The following MCTP2 variants were observed in gnomAD, a reference collection of about 807,000 sequenced individuals.
MCTP2 encodes the protein multiple C2 and transmembrane domain-containing protein 2.
Under a neutral mutation model 111.6 loss-of-function variants are expected in MCTP2, and 132 were observed. The observed-to-expected ratio is 1.18, with a 90% CI of 1.03 to 1.37. The LOEUF (loss-of-function observed/expected upper bound fraction) is 1.37, where lower values mean the gene tolerates loss of function less well. Ranked by LOEUF, MCTP2 falls within the 40% of genes most tolerant of loss-of-function variation. MCTP2 has a pLI of 0.00. For synonymous variants in MCTP2, 395 were observed against 387.7 expected (o/e 1.02, Z -0.22); for missense variants, 1,183 against 1,067.9 (o/e 1.11, Z -1.50).
Position 94,356,182 on chromosome 15 carries a change from A to G in MCTP2, c.1051A>G (p.Asn351Asp), listed in dbSNP as rs762149227. ...NLRLSESLKKNQLWNGIISIT... is the reference protein window; with the variant it reads ...NLRLSESLKKDQLWNGIISIT... ...ACGGCTCTCTGAGTCCTTGAAAAAG[A>G]ACCAACTCTGGAACGGGATTATAAG... Residue 351 changes from asparagine (N) to aspartate (D), a missense_variant, in exon 9 of 23, where the codon AAC (asparagine) becomes GAC (aspartate). By Grantham distance (23) the Asn-to-Asp change is conservative. Transcript: ENST00000357742. 6.2e-6 allele frequency: 10 copies of G among 1,613,066 alleles called. No individual in the cohort carries two copies. In the East Asian group the frequency reaches 2.2e-4, roughly 36 times the overall value.
chr15:94,383,912 C>G lies in MCTP2; in HGVS notation c.1583-110C>G, dbSNP rs2080301081. 14 of 760,392 alleles carry G rather than the reference C, an allele frequency of 1.8e-5. No homozygotes were observed. In the South Asian group the frequency reaches 2.2e-4, roughly 12 times the overall value. 47.1% of individuals were successfully genotyped at this position (760,392 alleles called of 1,614,324 possible). On this transcript the variant is annotated intron_variant, in intron 12 of 22. Coordinates refer to ENST00000357742, the MANE Select transcript of MCTP2 (RefSeq NM_001385001.1). ...CTCCATGACTCATTGGAAAAGCAGT[C>G]TTGCCTTCCCTCTTTCAGCAAGCAC...
intron 1 of MCTP2, among the ~76,000 whole-genome samples, chr15:94,241,173 G>A (rs575226638): frequency 6.9e-4 from 104 of 151,772 alleles, no homozygotes; most frequent in Non-Finnish European, 1.2e-3. Flanking sequence ...TTTCTAGGAT[G>A]TGAGAGCAAA....
At chr15:94,346,245 C>A (rs1456422790) in intron 8 of MCTP2, among the ~76,000 whole-genome samples, 2 of 152,132 alleles carry the variant, frequency 1.3e-5, no homozygotes, top group Admixed American at 1.3e-4. Flanking sequence ...AGAGTTCTGA[C>A]TCATACTTAC....
intron 17 of MCTP2, among the ~76,000 whole-genome samples, chr15:94,425,931 C>T (rs2082867846): frequency 6.6e-6 from 1 of 152,126 alleles, no homozygotes. Context: ...TTTTACCAAA[C>T]ATTAATGGAT....
At chr15:94,390,086 A>ATG (rs2080827725) in intron 14 of MCTP2, among the ~76,000 whole-genome samples, 4 of 8,346 alleles carry the variant, frequency 4.8e-4, no homozygotes, top group African/African-American at 6.7e-4. Context: ...ATATATATAT[A>ATG]TATGTATATA....
At chr15:94,289,299 A>G (rs192633823) in intron 1 of MCTP2, among the ~76,000 whole-genome samples, 1 of 152,246 alleles carries the variant, frequency 6.6e-6, no homozygotes, top group East Asian at 1.9e-4. Flanking sequence ...ATCAGAAATC[A>G]TGGAGGCCAG....
At chr15:94,270,475 A>C (rs955496833) in intron 1 of MCTP2, among the ~76,000 whole-genome samples, 2 of 152,046 alleles carry the variant, frequency 1.3e-5, no homozygotes, top group African/African-American at 4.8e-5. Flanking sequence ...TCACAGTAAA[A>C]GCTGATGTCC....
At chr15:94,271,661 A>G (rs2073913387) in intron 1 of MCTP2, among the ~76,000 whole-genome samples, 1 of 152,190 alleles carries the variant, frequency 6.6e-6, no homozygotes, top group Non-Finnish European at 1.5e-5. Flanking sequence ...ACTTATTTGA[A>G]AGATAGGTAT....
chr15:94,337,699 G>A (rs1011405810), intron 4 of MCTP2, among the ~76,000 whole-genome samples: 5 of 152,118 alleles, frequency 3.3e-5, no homozygotes, highest in South Asian at 2.1e-4. Flanking sequence ...GCGCATGCAC[G>A]CGCGTGTGCA....
chr15:94,314,656 C>T, intron 3 of MCTP2: 1 of 540,066 alleles, frequency 1.9e-6, no homozygotes, highest in Non-Finnish European at 3.5e-6. Context: ...GGTGGCTTAG[C>T]CACAGGATCG....
At chr15:94,454,065 G>C (rs879772972) in intron 19 of MCTP2, among the ~76,000 whole-genome samples, 6 of 152,000 alleles carry the variant, frequency 3.9e-5, no homozygotes, top group Non-Finnish European at 7.4e-5. Context: ...CCTGCCAAAG[G>C]ATGCAAACAC....
At chr15:94,419,122 C>T (rs1003667566) in intron 17 of MCTP2, among the ~76,000 whole-genome samples, 4 of 151,958 alleles carry the variant, frequency 2.6e-5, no homozygotes, top group Admixed American at 6.6e-5. Flanking sequence ...AACATATAAT[C>T]GAGATGTCTG....
intron 2 of MCTP2, among the ~76,000 whole-genome samples, chr15:94,304,275 C>A (rs1056044155): frequency 2.6e-5 from 4 of 152,158 alleles, no homozygotes; most frequent in Non-Finnish European, 5.9e-5. Context: ...AATCCTGTCT[C>A]TACTAAAAAT....
At chr15:94,410,345 G>A (rs938040521) in intron 17 of MCTP2, among the ~76,000 whole-genome samples, 7 of 152,006 alleles carry the variant, frequency 4.6e-5, no homozygotes, top group African/African-American at 1.7e-4. Context: ...ATCATTTCCA[G>A]GGCTACTTAA....
chr15:94,243,438 T>C (rs62647212), intron 1 of MCTP2, among the ~76,000 whole-genome samples: 3,838 of 58,446 alleles, frequency 0.066, 803 homozygotes, highest in Non-Finnish European at 0.078. Flanking sequence ...CGTATGTACA[T>C]ACATACGTAT....
rs1051500214 is a variant in MCTP2, at chr15:94,241,499, G to C, written c.-66+9835G>C. On this transcript the variant is annotated intron_variant, in intron 1 of 22. Coordinates refer to ENST00000357742, the MANE Select transcript of MCTP2 (RefSeq NM_001385001.1). ...CCAGTCGGAAAACCAGGTCTTGCCTGTCGATATCTTTTTGCTGGTGGCTGT... is the reference window on the plus strand; with the variant it reads ...CCAGTCGGAAAACCAGGTCTTGCCTCTCGATATCTTTTTGCTGGTGGCTGT... 2.0e-5 allele frequency among the ~76,000 whole-genome samples: 3 copies of C among 152,146 alleles called. No homozygotes were observed. In the East Asian group the frequency reaches 5.8e-4, roughly 29 times the overall value.
At chr15:94,468,547 T>C (rs916846419) in intron 20 of MCTP2, among the ~76,000 whole-genome samples, 38 of 152,106 alleles carry the variant, frequency 2.5e-4, no homozygotes, top group African/African-American at 8.9e-4. Context: ...TTAAAAGGTA[T>C]TCAAATTTGC....
intron 18 of MCTP2, among the ~76,000 whole-genome samples, chr15:94,440,701 C>T (rs907055189): frequency 2.0e-5 from 3 of 152,182 alleles, no homozygotes; most frequent in Non-Finnish European, 4.4e-5. Context: ...TCCATGAAGG[C>T]ACCTTATGCA....
chr15:94,265,121 T>G (rs12443018), intron 1 of MCTP2, among the ~76,000 whole-genome samples: 74,264 of 151,990 alleles, frequency 0.49, 18,344 homozygotes, highest in South Asian at 0.55. Context: ...AGATTTGGCT[T>G]CAGTTTACTT....
Sources: gnomAD v4.1 joint callset for allele counts (sites outside exome capture counted in the v4.1 genomes callset) on GRCh38, gnomAD v4.1.1 for gene constraint, MANE v1.5 for transcripts, NCBI Gene and HGNC (gene_info 2026-07-23, HGNC 2026-07-21) for gene names.